Variants in CORO2B observed in about 807,000 individuals in gnomAD.
CORO2B encodes the protein coronin 2B, also known as coronin-2B.
CORO2B carries 26 observed loss-of-function variants against 58.8 expected under a neutral mutation model. That is an observed-to-expected ratio of 0.44 (90% CI 0.32 to 0.61). The LOEUF (loss-of-function observed/expected upper bound fraction) is 0.61. CORO2B is among the 20% of genes least tolerant of loss of function. The pLI, the probability that CORO2B is intolerant of heterozygous loss-of-function variation, is 0.04. For synonymous variants in CORO2B, 242 were observed against 253.8 expected (o/e 0.95, Z 0.44); for missense variants, 460 against 645.1 (o/e 0.71, Z 3.11).
the CORO2B span, among the ~76,000 whole-genome samples, chr15:68,563,076 A>G: frequency 6.6e-6 from 1 of 152,058 alleles, no homozygotes; most frequent in Admixed American, 6.6e-5. Flanking sequence ...ATAAAGCTAT[A>G]AATTCTTATA....
chr15:68,663,739 A>G (rs891080743), intron 2 of CORO2B, among the ~76,000 whole-genome samples: 3 of 152,222 alleles, frequency 2.0e-5, no homozygotes, highest in Non-Finnish European at 1.5e-5. Context: ...AAAAAAGTGG[A>G]CAAGACTTGA....
At chr15:68,706,416 A>T (rs1450717975) in intron 3 of CORO2B, among the ~76,000 whole-genome samples, 3 of 152,102 alleles carry the variant, frequency 2.0e-5, no homozygotes, top group African/African-American at 7.2e-5. Context: ...AGTGCTACTC[A>T]AGAGCAGGCA....
Position 68,710,472 on chromosome 15 carries a change from A to T in CORO2B, c.334-260A>T, listed in dbSNP as rs1274574731. On this transcript the variant is annotated intron_variant, in intron 3 of 11. Transcript: ENST00000261861. The surrounding 1 kb of genome is among the most constrained non-coding windows in gnomAD (Gnocchi z 4.1). Reference sequence around the variant, plus strand: ...CGGGCTAGGCCACAGCAGTAGCAACATGCCAGTAATAACAGTTCTTAGGTC... The same window carrying T: ...CGGGCTAGGCCACAGCAGTAGCAACTTGCCAGTAATAACAGTTCTTAGGTC... Among the ~76,000 whole-genome samples the T allele has an allele frequency of 6.6e-6, 1 of 152,260 alleles. No homozygotes were observed. The highest frequency in any genetic ancestry group is 2.4e-5 in the African/African-American group (1 of 41,480).
chr15:68,521,887 G>A, the CORO2B span, among the ~76,000 whole-genome samples: 1 of 151,716 alleles, frequency 6.6e-6, no homozygotes, highest in South Asian at 2.1e-4. Flanking sequence ...GGCCAACATG[G>A]CAAAACCCCG....
At chr15:68,557,889 C>T in the CORO2B span, among the ~76,000 whole-genome samples, 2 of 152,188 alleles carry the variant, frequency 1.3e-5, no homozygotes, top group Non-Finnish European at 2.9e-5. Context: ...CAGCATTACA[C>T]AGCATGAGGT....
At chr15:68,543,633 A>G in the CORO2B span, among the ~76,000 whole-genome samples, 1 of 152,106 alleles carries the variant, frequency 6.6e-6, no homozygotes, top group Admixed American at 6.5e-5. Flanking sequence ...ATTCCCATAC[A>G]GACCCTCCTG....
At position 68,710,890 on chromosome 15, in the gene CORO2B, T is replaced by G. The variant is rs376355490; in HGVS notation, c.483+9T>G. The stretch of plus-strand genomic sequence containing the variant: ...CTGGCTACGACTACAAGGTATGCAG[T>G]GGGCAGGCAGCTGGGTGGAGAGGGA... On this transcript the variant is annotated intron_variant, in intron 4 of 11. Transcript: ENST00000261861. The surrounding 1 kb of genome is among the most constrained non-coding windows in gnomAD (Gnocchi z 4.1). 28 of 1,586,530 alleles carry G rather than the reference T, an allele frequency of 1.8e-5. No homozygotes were observed. Among genetic ancestry groups the G allele is most frequent in the Middle Eastern group, 1.7e-4 (1 of 5,998 alleles).
intron 11 of CORO2B, among the ~76,000 whole-genome samples, chr15:68,722,305 T>C (rs1009898782): frequency 2.0e-5 from 3 of 152,228 alleles, no homozygotes; most frequent in African/African-American, 7.2e-5. Flanking sequence ...TACACCAAAG[T>C]TGTGCATCTT....
chr15:68,711,811 T>G (rs2140327822), intron 5 of CORO2B, 105 bp downstream of exon 5: 2 of 1,261,188 alleles, frequency 1.6e-6, no homozygotes, highest in South Asian at 2.6e-5. Context: ...CCTTCTCCAG[T>G]GCATCTCACT....
intron 2 of CORO2B, among the ~76,000 whole-genome samples, chr15:68,673,263 C>T (rs1902463010): frequency 6.6e-6 from 1 of 152,092 alleles, no homozygotes; most frequent in African/African-American, 2.4e-5. Context: ...AGGTCGGGCA[C>T]AATGGCTCAC....
At chr15:68,666,175 T>C (rs922093377) in intron 2 of CORO2B, among the ~76,000 whole-genome samples, 4 of 152,174 alleles carry the variant, frequency 2.6e-5, no homozygotes, top group Non-Finnish European at 4.4e-5. Flanking sequence ...GTCCTATTTG[T>C]TTGAGGTAGA....
At chr15:68,660,278 A>G (rs370453502) in intron 2 of CORO2B, among the ~76,000 whole-genome samples, 23 of 152,176 alleles carry the variant, frequency 1.5e-4, no homozygotes, top group Middle Eastern at 6.8e-3. Context: ...CTTCTTCCTC[A>G]TTGTCTGGCA....
chr15:68,539,138 A>G, the CORO2B span, among the ~76,000 whole-genome samples: 1 of 152,218 alleles, frequency 6.6e-6, no homozygotes, highest in African/African-American at 2.4e-5. Flanking sequence ...ACAAGACAGC[A>G]GAGCTGGGCT....
At chr15:68,671,565 G>A (rs947940185) in intron 2 of CORO2B, among the ~76,000 whole-genome samples, 3 of 152,204 alleles carry the variant, frequency 2.0e-5, no homozygotes, top group Admixed American at 1.3e-4. Flanking sequence ...GTCTCATTTG[G>A]TTGCGTTAAA....
At chr15:68,582,608 C>T (rs1899455328) in intron 1 of CORO2B, among the ~76,000 whole-genome samples, 1 of 152,196 alleles carries the variant, frequency 6.6e-6, no homozygotes, top group Non-Finnish European at 1.5e-5. Context: ...TTCTACATTG[C>T]TATCAACTGG....
At chr15:68,696,764 G>C (rs1221969018) in intron 3 of CORO2B, among the ~76,000 whole-genome samples, 1 of 152,160 alleles carries the variant, frequency 6.6e-6, no homozygotes, top group Admixed American at 6.5e-5. Context: ...GGAGATTTCA[G>C]AGCCTCAGCT....
At chr15:68,559,610 G>A in the CORO2B span, 1 of 985,408 alleles carries the variant, frequency 1.0e-6, no homozygotes, top group Non-Finnish European at 1.2e-6. The surrounding 1 kb of genome is among the most constrained non-coding windows in gnomAD (Gnocchi z 4.3). Context: ...CAAGCGTGCT[G>A]ATGGTAAGAG....
At chr15:68,527,969 T>A in the CORO2B span, among the ~76,000 whole-genome samples, 13 of 152,216 alleles carry the variant, frequency 8.5e-5, no homozygotes, top group African/African-American at 3.1e-4. Context: ...TCTTTACTTA[T>A]TAGCCTTGCA....
At chr15:68,631,201 A>G (rs28727290) in intron 1 of CORO2B, among the ~76,000 whole-genome samples, 23,868 of 152,050 alleles carry the variant, frequency 0.16, 2,018 homozygotes, top group Middle Eastern at 0.21. Flanking sequence ...TTGACTCCCC[A>G]TGTCCCCCAA....
Sources: gnomAD v4.1 joint callset for allele counts (sites outside exome capture counted in the v4.1 genomes callset) on GRCh38, gnomAD v4.1.1 for gene constraint, Gnocchi (gnomAD v3.1) non-coding constraint, MANE v1.5 for transcripts, NCBI Gene and HGNC (gene_info 2026-07-23, HGNC 2026-07-21) for gene names.